CACNA1B: variants seen among roughly 807,000 people sequenced by gnomAD.
CACNA1B encodes calcium voltage-gated channel subunit alpha1 B.
CACNA1B carries 70 observed loss-of-function variants against 247.2 expected under a neutral mutation model. The ratio of observed to expected loss-of-function variants is 0.28; its 90% CI spans 0.23 to 0.35. CACNA1B has a LOEUF of 0.35. Ranked by LOEUF, CACNA1B falls within the 10% of genes least tolerant of loss-of-function variation. The pLI is 1.00. For missense variants in CACNA1B, 2,367 were observed against 3,197.4 expected, an observed-to-expected ratio of 0.74 and a Z score of 6.26; for synonymous variants, 1,231 against 1,294.4, an observed-to-expected ratio of 0.95 and a Z score of 1.05.
In CACNA1B at chr9:137,914,889, A is replaced by C. The variant is rs1738830945; in HGVS notation, c.775+83A>C. 6.7e-7 allele frequency: 1 copy of C among 1,482,882 alleles called. No individual in the cohort carries two copies. The highest frequency in any genetic ancestry group is 9.1e-7 in the Non-Finnish European group (1 of 1,101,504). 91.9% of individuals were successfully genotyped at this position (1,482,882 alleles called of 1,614,324 possible). On this transcript the variant is annotated intron_variant, in intron 5 of 46. Transcript: ENST00000371372. This position sits in a 1 kb window ranked among gnomAD's most constrained non-coding sequence, Gnocchi z 4.3. ...AGATGGGCACTGTTCTAGGTGCTAGAGGGGCCTTCTTGGTGCCAGATACAT... is the reference window on the plus strand; with the variant it reads ...AGATGGGCACTGTTCTAGGTGCTAGCGGGGCCTTCTTGGTGCCAGATACAT...
At chr9:138,039,302 A>G (rs750414634) in intron 20 of CACNA1B, among the ~76,000 whole-genome samples, 15 of 151,142 alleles carry the variant, frequency 9.9e-5, no homozygotes, top group Non-Finnish European at 1.8e-4. Flanking sequence ...TTTTGTATTT[A>G]TCTCTTTTCT....
At chr9:138,061,017 G>C (rs986604213) in intron 31 of CACNA1B, among the ~76,000 whole-genome samples, 1 of 152,218 alleles carries the variant, frequency 6.6e-6, no homozygotes, top group African/African-American at 2.4e-5. Flanking sequence ...CGCATCCCAA[G>C]TCCCTACTTG....
chr9:137,891,103 C>T lies in CACNA1B; in HGVS notation c.530+8220C>T, dbSNP rs72769037. On this transcript the variant is annotated intron_variant, in intron 3 of 46. Coordinates refer to ENST00000371372, the MANE Select transcript of CACNA1B (RefSeq NM_000718.4). This position sits in a 1 kb window ranked among gnomAD's most constrained non-coding sequence, Gnocchi z 4.3. ...TGTGCGTGGCCAGGCAGGTTGGGCTCTCAGGGCGCATGGCTACTTTAAATT... is the reference window on the plus strand; with the variant it reads ...TGTGCGTGGCCAGGCAGGTTGGGCTTTCAGGGCGCATGGCTACTTTAAATT... 1.3e-5 allele frequency: 2 copies of T among 152,516 alleles called. No homozygotes were observed. Among genetic ancestry groups the T allele is most frequent in the Non-Finnish European group, 2.9e-5 (2 of 68,166 alleles). The allele number at this position is 152,516 out of a possible 1,614,324, so 9.4% of individuals were successfully genotyped here.
chr9:137,914,843 CCACGGATGCGTT>C lies in CACNA1B; in HGVS notation c.775+40_775+51del, dbSNP rs1243822417. The C allele has an allele frequency of 6.2e-7, 1 of 1,608,444 alleles. No individual in the cohort carries two copies. On this transcript the variant is annotated intron_variant, in intron 5 of 46. Coordinates refer to ENST00000371372, the MANE Select transcript of CACNA1B (RefSeq NM_000718.4). The surrounding 1 kb of genome is among the most constrained non-coding windows in gnomAD (Gnocchi z 4.3). ...CAGCACCCTCCAGCACAGGCAAGTG[CCACGGATGCGTT>C]CATCCAGGAGATGGGCACTGTTCTA...
chr9:138,064,922 G>A (rs2133518909), intron 31 of CACNA1B, among the ~76,000 whole-genome samples: 1 of 152,374 alleles, frequency 6.6e-6, no homozygotes, highest in East Asian at 1.9e-4. Flanking sequence ...GCTCTGAGAA[G>A]CTGGTTGGCT....
At chr9:138,015,415 G>GCGGGGCC (rs1958778971) in intron 18 of CACNA1B, among the ~76,000 whole-genome samples, 9 of 151,946 alleles carry the variant, frequency 5.9e-5, no homozygotes, top group African/African-American at 2.2e-4. Flanking sequence ...GTTGTGCTGA[G>GCGGGGCC]ACCTCCGAGG....
At position 137,894,302 on chromosome 9, in the gene CACNA1B, A is replaced by ATTT. The variant is rs56794355; in HGVS notation, c.530+11439_530+11441dup. Among the ~76,000 whole-genome samples the ATTT allele has an allele frequency of 1.1e-3, 101 of 96,046 alleles. 1 individual carries two copies. The highest frequency in any genetic ancestry group is 2.6e-3 in the African/African-American group (72 of 28,188). 63.0% of individuals were successfully genotyped at this position (96,046 alleles called of 152,430 possible). A position where few individuals can be genotyped will look rare whatever the true frequency, so the allele number is the denominator to read the frequency against. On this transcript the variant is annotated intron_variant, in intron 3 of 46. Transcript: ENST00000371372. ...TCGCCGGCACGGGGGTTGTCTCTGTATTTTTTTTTTTTTTTTTTTTTTGAT... is the reference window on the plus strand; with the variant it reads ...TCGCCGGCACGGGGGTTGTCTCTGTATTTTTTTTTTTTTTTTTTTTTTTTTGAT...
At chr9:137,937,861 C>T (rs1165022538) in intron 6 of CACNA1B, among the ~76,000 whole-genome samples, 2 of 140,466 alleles carry the variant, frequency 1.4e-5, no homozygotes, top group Admixed American at 7.7e-5. Flanking sequence ...GTAAGAGAAT[C>T]GCTTGAATTT....
chr9:138,031,711 CTA>C (rs1958990174), intron 20 of CACNA1B, among the ~76,000 whole-genome samples: 2 of 152,166 alleles, frequency 1.3e-5, no homozygotes, highest in South Asian at 4.1e-4. Flanking sequence ...TTTAGGATTT[CTA>C]TGTCTTTTTG....
intron 37 of CACNA1B, among the ~76,000 whole-genome samples, chr9:138,101,514 TCGAGAGTGAG>T (rs1961251313): frequency 6.6e-6 from 1 of 152,234 alleles, no homozygotes. Flanking sequence ...CTCCGAGCTC[TCGAGAGTGAG>T]CTGATGGTCA....
Position 137,913,087 on chromosome 9 carries a change from TGGGAGACATGAC to T in CACNA1B, c.531-92_531-81del. The T allele has an allele frequency of 1.1e-6, 1 of 951,866 alleles. No homozygotes were observed. The highest frequency in any genetic ancestry group is 1.7e-6 in the Non-Finnish European group (1 of 605,622). The allele number at this position is 951,866 out of a possible 1,614,324, so 59.0% of individuals were successfully genotyped here. A position where few individuals can be genotyped will look rare whatever the true frequency, so the allele number is the denominator to read the frequency against. ...ACAGGAATGAAGGTGTCACTGCTCT[TGGGAGACATGAC>T]CCTGGTGGTGGGAGGAGTGTGTCCT... On this transcript the variant is annotated intron_variant, in intron 3 of 46. Transcript: ENST00000371372. This position sits in a 1 kb window ranked among gnomAD's most constrained non-coding sequence, Gnocchi z 5.2.
rs1959360008 is a variant in CACNA1B at position 138,053,271 on chromosome 9, G to T, written c.3808-575G>T. The stretch of plus-strand genomic sequence containing the variant: ...CTGTGGCTGAACTCTGACCTGTAAG[G>T]TCGGCCCTCCTAGGCATCCAGCTGC... On this transcript the variant is annotated intron_variant, in intron 25 of 46. Coordinates refer to ENST00000371372, the MANE Select transcript of CACNA1B (RefSeq NM_000718.4). Among the ~76,000 whole-genome samples the T allele has an allele frequency of 2.0e-5, 3 of 152,286 alleles. No individual in the cohort carries two copies. The South Asian group carries it at 6.2e-4, about 32-fold the overall frequency.
chr9:138,099,489 G>A (rs1961176644), intron 37 of CACNA1B, among the ~76,000 whole-genome samples: 1 of 151,928 alleles, frequency 6.6e-6, no homozygotes, highest in Non-Finnish European at 1.5e-5. Context: ...ACATGCCCGT[G>A]TGTGCCTGTG....
In CACNA1B at chr9:137,955,679, T is replaced by C; in HGVS notation, c.1071-19T>C. ...GCTTGCACTCACCTGATCTTGCTTT[T>C]CCGGCCCCTGCATGGTAGGGAGTTT... On this transcript the variant is annotated intron_variant, in intron 7 of 46. Coordinates refer to ENST00000371372, the MANE Select transcript of CACNA1B (RefSeq NM_000718.4). This position sits in a 1 kb window ranked among gnomAD's most constrained non-coding sequence, Gnocchi z 6.9. 6.4e-7 allele frequency: 1 copy of C among 1,572,834 alleles called. No individual in the cohort carries two copies.
chr9:138,009,852 C>G (rs532812181), intron 16 of CACNA1B, among the ~76,000 whole-genome samples, 158 bp from the exon 17 acceptor site: 11 of 151,630 alleles, frequency 7.3e-5, no homozygotes, highest in African/African-American at 2.4e-4. Context: ...GGCCTAGTGG[C>G]TGGGCTGGAG....
Position 137,990,920 on chromosome 9 carries a change from G to A in CACNA1B, c.1974+4066G>A, listed in dbSNP as rs1958424961. On this transcript the variant is annotated intron_variant, in intron 15 of 46. Coordinates refer to ENST00000371372, the MANE Select transcript of CACNA1B (RefSeq NM_000718.4). The surrounding 1 kb of genome is among the most constrained non-coding windows in gnomAD (Gnocchi z 4.5). ...GGCAGGGGGAGAACACCACATCAAG[G>A]GAGCACCCCCAAGATAAGAGAACAG... Among the ~76,000 whole-genome samples, 1 of 152,168 alleles carries A rather than the reference G, an allele frequency of 6.6e-6. No individual in the cohort carries two copies. Among genetic ancestry groups the A allele is most frequent in the Non-Finnish European group, 1.5e-5 (1 of 68,038 alleles).
In CACNA1B at chr9:138,049,135, A is replaced by T; in HGVS notation, c.3604-74A>T. 5 of 996,688 alleles carry T rather than the reference A, an allele frequency of 5.0e-6. No individual in the cohort carries two copies. In the Admixed American group the frequency reaches 6.9e-5, roughly 14 times the overall value. The allele number at this position is 996,688 out of a possible 1,614,324, so 61.7% of individuals were successfully genotyped here. A position where few individuals can be genotyped will look rare whatever the true frequency, so the allele number is the denominator to read the frequency against. On this transcript the variant is annotated intron_variant, in intron 23 of 46. Coordinates refer to ENST00000371372, the MANE Select transcript of CACNA1B (RefSeq NM_000718.4). Reference sequence around the variant, plus strand: ...CTCCCCAAGTGCTGAGATTACAGGCATGAGCCTCTGCACCTGGCCTCTGCC... The same window carrying T: ...CTCCCCAAGTGCTGAGATTACAGGCTTGAGCCTCTGCACCTGGCCTCTGCC...
intron 12 of CACNA1B, among the ~76,000 whole-genome samples, chr9:137,981,382 A>T (rs1029745831): frequency 6.6e-6 from 1 of 152,080 alleles, no homozygotes; most frequent in Non-Finnish European, 1.5e-5. Flanking sequence ...CTCTCCTCTC[A>T]TATTTGACTA....
chr9:137,913,258 G>A lies in CACNA1B; in HGVS notation c.609G>A (p.Val203=). 6.2e-7 allele frequency: 1 copy of A among 1,613,778 alleles called. No homozygotes were observed. Among genetic ancestry groups the A allele is most frequent in the Non-Finnish European group, 8.5e-7 (1 of 1,179,716 alleles). The change falls in exon 4 of 47, where the codon GTG becomes GTA. Residue 203 remains valine, a synonymous_variant. Transcript: ENST00000371372. The surrounding 1 kb of genome is among the most constrained non-coding windows in gnomAD (Gnocchi z 5.2). ...GTGTGCTGAGGCCCCTGAAGCTGGT[G>A]TCTGGGATTCCAAGTGAGTCCAGCG... ...AVRVLRPLKL[V]SGIPSLQVVL... is the part of the protein sequence containing the mutation.
Sources: gnomAD v4.1 joint callset for allele counts (sites outside exome capture counted in the v4.1 genomes callset) on GRCh38, gnomAD v4.1.1 for gene constraint, Gnocchi (gnomAD v3.1) non-coding constraint, MANE v1.5 for transcripts, NCBI Gene and HGNC (gene_info 2026-07-23, HGNC 2026-07-21) for gene names.